Variants in NRXN1 observed in about 807,000 individuals in gnomAD.
The protein encoded by NRXN1 is neurexin 1.
In NRXN1, 39 loss-of-function variants were observed where a neutral mutation model predicts 150.9. The ratio of observed to expected loss-of-function variants is 0.26; its 90% CI spans 0.20 to 0.34. The LOEUF (loss-of-function observed/expected upper bound fraction) is 0.34. NRXN1 is among the 10% of genes least tolerant of loss of function. The pLI is 1.00. For synonymous variants in NRXN1, 924 were observed against 757.0 expected, an observed-to-expected ratio of 1.22 and a Z score of -3.62; for missense variants, 1,815 against 1,949.9, an observed-to-expected ratio of 0.93 and a Z score of 1.30.
chr2:50,040,603 G>A (rs1409462589), intron 21 of NRXN1, among the ~76,000 whole-genome samples: 1 of 151,854 alleles, frequency 6.6e-6, no homozygotes, highest in Admixed American at 6.6e-5. Flanking sequence ...AGTGATGAGG[G>A]GATAAATGTG....
At chr2:50,338,787 G>C (rs928061445) in intron 17 of NRXN1, among the ~76,000 whole-genome samples, 2 of 151,794 alleles carry the variant, frequency 1.3e-5, no homozygotes, top group African/African-American at 4.8e-5. Flanking sequence ...AGAGTACTGT[G>C]TCACGGGGCT....
At chr2:50,357,792 T>C (rs1469037233) in intron 17 of NRXN1, among the ~76,000 whole-genome samples, 8 of 152,302 alleles carry the variant, frequency 5.3e-5, no homozygotes, top group Non-Finnish European at 1.0e-4. Flanking sequence ...CCAGGCAAGA[T>C]GGCCAAATAG....
intron 21 of NRXN1, among the ~76,000 whole-genome samples, chr2:49,953,313 A>G (rs1006345960): frequency 6.6e-6 from 1 of 152,116 alleles, no homozygotes; most frequent in Admixed American, 6.6e-5. Context: ...TAGCATCTCT[A>G]TGCTTGTATC....
intron 18 of NRXN1, among the ~76,000 whole-genome samples, chr2:50,205,716 T>C (rs1045304337): frequency 6.6e-6 from 1 of 152,086 alleles, no homozygotes; most frequent in Non-Finnish European, 1.5e-5. Context: ...TATCCATGAA[T>C]TGATGAATGG....
chr2:50,502,764 A>G (rs1573288225), intron 13 of NRXN1, among the ~76,000 whole-genome samples: 1 of 152,196 alleles, frequency 6.6e-6, no homozygotes, highest in East Asian at 1.9e-4. Flanking sequence ...TTATATGTAC[A>G]TATAATGTAT....
chr2:50,805,761 T>C (rs1049649086), intron 5 of NRXN1, among the ~76,000 whole-genome samples: 4 of 152,194 alleles, frequency 2.6e-5, no homozygotes, highest in African/African-American at 4.8e-5. Context: ...GTAGAAAATA[T>C]GGAGAGAAAT....
chr2:50,996,142 A>G (rs570022746), intron 2 of NRXN1, among the ~76,000 whole-genome samples: 11 of 152,120 alleles, frequency 7.2e-5, no homozygotes, highest in Non-Finnish European at 1.5e-4. Context: ...CAGGAAATAA[A>G]TCAATCTCAG....
chr2:50,287,767 TAAG>T (rs1379468984), intron 17 of NRXN1, among the ~76,000 whole-genome samples: 3 of 152,324 alleles, frequency 2.0e-5, no homozygotes, highest in East Asian at 1.9e-4. Context: ...TGCTTGCTGA[TAAG>T]AAGATTTAAT....
At chr2:49,937,707 ATTGCTACTG>A (rs959323804) in intron 22 of NRXN1, among the ~76,000 whole-genome samples, 2 of 152,186 alleles carry the variant, frequency 1.3e-5, no homozygotes, top group Admixed American at 1.3e-4. Context: ...TGGAACACTC[ATTGCTACTG>A]TTTTTCTGGC....
intron 5 of NRXN1, among the ~76,000 whole-genome samples, chr2:50,806,564 G>C (rs993729915): frequency 6.6e-5 from 10 of 152,098 alleles, no homozygotes; most frequent in Non-Finnish European, 1.3e-4. Context: ...AAAAATTACA[G>C]TTCTAAGACT....
At chr2:50,219,623 A>T (rs923216227) in intron 18 of NRXN1, among the ~76,000 whole-genome samples, 50 of 151,488 alleles carry the variant, frequency 3.3e-4, no homozygotes, top group East Asian at 9.8e-4. Context: ...ACAGTGGCTC[A>T]CTCCTGTAGC....
chr2:49,980,037 C>T (rs942575925), intron 21 of NRXN1, among the ~76,000 whole-genome samples: 2 of 151,544 alleles, frequency 1.3e-5, no homozygotes, highest in Admixed American at 1.3e-4. Flanking sequence ...TTTTCATTAA[C>T]ATTATATCCT....
intron 17 of NRXN1, among the ~76,000 whole-genome samples, chr2:50,349,938 T>C (rs2078292973): frequency 6.6e-6 from 1 of 152,234 alleles, no homozygotes; most frequent in Non-Finnish European, 1.5e-5. Flanking sequence ...AGTCAAGTCT[T>C]CATTCCTACT....
chr2:50,142,012 G>A (rs1584763), intron 18 of NRXN1, among the ~76,000 whole-genome samples: 32,460 of 151,892 alleles, frequency 0.21, 4,159 homozygotes, highest in East Asian at 0.36. Flanking sequence ...CACCATGTTT[G>A]TTGCAGTAAT....
chr2:50,421,595 C>T (rs77907757), intron 17 of NRXN1, among the ~76,000 whole-genome samples: 2,097 of 152,120 alleles, frequency 0.014, 51 homozygotes, highest in African/African-American at 0.047. Context: ...TGTGTTTTCA[C>T]AAGATGAATA....
At chr2:50,812,744 G>A (rs1477907273) in intron 5 of NRXN1, among the ~76,000 whole-genome samples, 1 of 149,128 alleles carries the variant, frequency 6.7e-6, no homozygotes, top group East Asian at 1.9e-4. Flanking sequence ...GTGTGTGTGA[G>A]CGCATGTGTG....
At chr2:50,836,840 T>TA (rs369557045) in intron 5 of NRXN1, among the ~76,000 whole-genome samples, 11,244 of 113,962 alleles carry the variant, frequency 0.099, 500 homozygotes, top group Middle Eastern at 0.15. Context: ...ATCATAATTG[T>TA]AAAAAAAAAA....
intron 8 of NRXN1, among the ~76,000 whole-genome samples, chr2:50,566,817 C>T (rs892321328): frequency 3.3e-5 from 5 of 152,238 alleles, no homozygotes; most frequent in South Asian, 2.1e-4. Flanking sequence ...GCTCCCCACC[C>T]CATGGGATAG....
intron 18 of NRXN1, among the ~76,000 whole-genome samples, chr2:50,171,086 A>T (rs755837924): frequency 2.0e-5 from 3 of 152,180 alleles, no homozygotes; most frequent in Admixed American, 6.5e-5. Flanking sequence ...TCATCATAAC[A>T]GTTTCATCCT....
Sources: allele counts gnomAD v4.1 joint callset (sites outside exome capture counted in the v4.1 genomes callset), GRCh38; gene constraint gnomAD v4.1.1; transcripts MANE v1.5; gene names NCBI Gene and HGNC (gene_info 2026-07-23, HGNC 2026-07-21).